Variants in RAD18 observed in about 807,000 individuals in gnomAD.
RAD18 encodes E3 ubiquitin-protein ligase RAD18.
A neutral mutation model predicts 60.4 loss-of-function variants in RAD18; 47 were observed. The observed-to-expected ratio is 0.78, with a 90% CI of 0.62 to 0.99. RAD18 has a LOEUF of 0.99. RAD18 is among the 50% of genes least tolerant of loss of function. The pLI is 0.00. For missense variants in RAD18, 640 were observed against 593.3 expected (o/e 1.08, Z -0.82); for synonymous variants, 225 against 195.5 (o/e 1.15, Z -1.26).
chr3:8,937,387 C>T (rs974756736), intron 6 of RAD18, among the ~76,000 whole-genome samples: 1 of 152,102 alleles, frequency 6.6e-6, no homozygotes, highest in African/African-American at 2.4e-5. Flanking sequence ...AAACATGAAA[C>T]CTGATAAATG....
intron 3 of RAD18, among the ~76,000 whole-genome samples, chr3:8,947,909 G>A (rs777557498): frequency 1.3e-5 from 2 of 152,200 alleles, no homozygotes; most frequent in Non-Finnish European, 2.9e-5. Flanking sequence ...ACCTACCAGA[G>A]AGGCAAAACT....
chr3:8,912,209 G>T, intron 9 of RAD18, 103 bp downstream of exon 9: 3 of 926,624 alleles, frequency 3.2e-6, no homozygotes, highest in Non-Finnish European at 4.8e-6. Context: ...GTTAACAAAA[G>T]TTTGAATTGA....
chr3:8,957,040 T>C (rs367553585), intron 2 of RAD18, among the ~76,000 whole-genome samples: 7 of 152,184 alleles, frequency 4.6e-5, no homozygotes, highest in African/African-American at 1.7e-4. Flanking sequence ...TGATTGTGTA[T>C]GCAAAAATTT....
rs532053852 is a variant in RAD18, at chr3:8,947,847, T to G, written c.196-557A>C. Among the ~76,000 whole-genome samples the G allele has an allele frequency of 3.9e-5, 6 of 152,288 alleles. No homozygotes were observed. In the East Asian group the frequency reaches 1.2e-3, roughly 29 times the overall value. ...AGACTTAAGAGCCAAATCACAAAAT[T>G]TCTTACATAGAGAAATAGTTCGAAA... On this transcript the variant is annotated intron_variant, in intron 3 of 12. Coordinates refer to ENST00000264926, the MANE Select transcript of RAD18 (RefSeq NM_020165.4).
intron 1 of RAD18, among the ~76,000 whole-genome samples, chr3:8,960,100 G>A: frequency 6.6e-6 from 1 of 152,176 alleles, no homozygotes; most frequent in East Asian, 1.9e-4. Flanking sequence ...TTGAGTCCAG[G>A]AGTTTGAGAC....
chr3:8,881,288 A>T lies in RAD18; in HGVS notation c.*69T>A. On this transcript the variant is annotated 3_prime_UTR_variant, in exon 13 of 13. Coordinates refer to ENST00000264926, the MANE Select transcript of RAD18 (RefSeq NM_020165.4). ...TTTCCTTGGGCATTTATAAATAGAA[A>T]ATCTATCTGTGGCAACCAAAAGTAC... is the stretch of plus-strand genomic sequence containing the variant. 1 of 1,247,454 alleles carries T rather than the reference A, an allele frequency of 8.0e-7. No homozygotes were observed. The highest frequency in any genetic ancestry group is 1.2e-6 in the Non-Finnish European group (1 of 868,586). 77.3% of individuals were successfully genotyped at this position (1,247,454 alleles called of 1,614,324 possible).
intron 10 of RAD18, among the ~76,000 whole-genome samples, chr3:8,900,375 G>A (rs1939887083): frequency 6.6e-6 from 1 of 152,166 alleles, no homozygotes; most frequent in Non-Finnish European, 1.5e-5. Flanking sequence ...GTGCATGCAA[G>A]CAAGCTAGCA....
chr3:8,917,354 ATG>A, intron 7 of RAD18, among the ~76,000 whole-genome samples: 1 of 152,224 alleles, frequency 6.6e-6, no homozygotes, highest in Non-Finnish European at 1.5e-5. Flanking sequence ...CTAAGAAGAA[ATG>A]AAAACTGGTG....
chr3:8,935,930 C>T lies in RAD18; in HGVS notation c.830G>A (p.Arg277Lys), dbSNP rs755930648. The T allele has an allele frequency of 1.9e-6, 3 of 1,611,946 alleles. No individual in the cohort carries two copies. The highest frequency in any genetic ancestry group is 2.5e-6 in the Non-Finnish European group (3 of 1,178,848). Reference protein sequence around the residue: ...IQGNKQQLIKRHQEFVHMYNA... With the variant: ...IQGNKQQLIKKHQEFVHMYNA... Reference sequence around the variant, plus strand: ...GTACATGTGTACAAATTCTTGGTGCCTTTTAATGAGCTGTTGTTTATTTCC... The same window carrying T: ...GTACATGTGTACAAATTCTTGGTGCTTTTTAATGAGCTGTTGTTTATTTCC... Residue 277 changes from arginine (R) to lysine (K), a missense_variant, in exon 7 of 13, where the codon AGG becomes AAG. Transcript: ENST00000264926.
At chr3:8,938,510 G>A (rs1404032283) in intron 6 of RAD18, among the ~76,000 whole-genome samples, 1 of 152,134 alleles carries the variant, frequency 6.6e-6, no homozygotes, top group African/African-American at 2.4e-5. Context: ...CCACTTCTCA[G>A]ATACCATTAA....
intron 12 of RAD18, among the ~76,000 whole-genome samples, chr3:8,886,655 G>A (rs1939570496): frequency 6.6e-6 from 1 of 152,254 alleles, no homozygotes; most frequent in Non-Finnish European, 1.5e-5. Context: ...TCACTAGAAA[G>A]GGTGAGAGTG....
At chr3:8,959,184 G>A (rs1328923542) in intron 1 of RAD18, among the ~76,000 whole-genome samples, 183 bp from the exon 2 acceptor site, 1 of 152,142 alleles carries the variant, frequency 6.6e-6, no homozygotes, top group Non-Finnish European at 1.5e-5. Context: ...TCTCTCATAT[G>A]ACTCTTATAC....
Position 8,880,601 on chromosome 3 carries a change from A to G in RAD18, c.*756T>C, listed in dbSNP as rs1007388541. ...TTCATTTACAAAATTCATTCATTGCATACTTTTTGTTTAATAGCTTGGATT... is the reference window on the plus strand; with the variant it reads ...TTCATTTACAAAATTCATTCATTGCGTACTTTTTGTTTAATAGCTTGGATT... On this transcript the variant is annotated 3_prime_UTR_variant, in exon 13 of 13. Coordinates refer to ENST00000264926, the MANE Select transcript of RAD18 (RefSeq NM_020165.4). 2.6e-5 allele frequency: 4 copies of G among 152,222 alleles called. No individual in the cohort carries two copies. The highest frequency in any genetic ancestry group is 4.4e-5 in the Non-Finnish European group (3 of 68,042). The allele number at this position is 152,222 out of a possible 1,614,324, so 9.4% of individuals were successfully genotyped here.
intron 6 of RAD18, among the ~76,000 whole-genome samples, chr3:8,939,330 A>T (rs1940704346): frequency 6.6e-6 from 1 of 152,216 alleles, no homozygotes. Flanking sequence ...AAAATTTAGT[A>T]GCAGTTCAAA....
chr3:8,924,292 A>G lies in RAD18; in HGVS notation c.890-10572T>C, dbSNP rs531567472. 1.3e-3 allele frequency among the ~76,000 whole-genome samples: 188 copies of G among 148,814 alleles called. 1 individual carries two copies. Among genetic ancestry groups the G allele is most frequent in the African/African-American group, 4.6e-3 (184 of 39,942 alleles). On this transcript the variant is annotated intron_variant, in intron 7 of 12. Coordinates refer to ENST00000264926, the MANE Select transcript of RAD18 (RefSeq NM_020165.4). ...CTCTGATAAAACAGACTTTAAACCC[A>G]CAAAGATCAAAAGAGACAAAGTAGG... is the stretch of plus-strand genomic sequence containing the variant.
intron 7 of RAD18, among the ~76,000 whole-genome samples, chr3:8,923,207 A>T (rs922152771): frequency 1.3e-5 from 2 of 152,236 alleles, no homozygotes; most frequent in Non-Finnish European, 2.9e-5. Flanking sequence ...ACCAATGCAG[A>T]GAAGTCCTTA....
rs1939933488 is a variant in RAD18 at position 8,902,626 on chromosome 3, T to C, written c.1028-106A>G. 4 of 1,171,364 alleles carry C rather than the reference T, an allele frequency of 3.4e-6. No homozygotes were observed. In the Admixed American group the frequency reaches 1.1e-4, roughly 33 times the overall value. 72.6% of individuals were successfully genotyped at this position (1,171,364 alleles called of 1,614,324 possible). ...GTGTACAAGGGATGGGCATGGTGGC[T>C]TACGCCTGTAATCCCAGCACTTCAG... On this transcript the variant is annotated intron_variant, in intron 9 of 12. Transcript: ENST00000264926.
intron 2 of RAD18, among the ~76,000 whole-genome samples, chr3:8,956,165 C>T (rs1435539364): frequency 6.6e-6 from 1 of 152,190 alleles, no homozygotes; most frequent in East Asian, 1.9e-4. Flanking sequence ...TTGTTAAGAA[C>T]TTTCACCTTT....
intron 7 of RAD18, among the ~76,000 whole-genome samples, chr3:8,925,680 G>A (rs980272957): frequency 1.4e-4 from 21 of 152,184 alleles, no homozygotes; most frequent in Middle Eastern, 3.4e-3. Context: ...TTGGCAAACC[G>A]AATCCAGCAG....
Sources: gnomAD v4.1 joint callset for allele counts (sites outside exome capture counted in the v4.1 genomes callset) on GRCh38, gnomAD v4.1.1 for gene constraint, MANE v1.5 for transcripts, NCBI Gene and HGNC (gene_info 2026-07-23, HGNC 2026-07-21) for gene names.